The following NDUFAF2 variants were observed in gnomAD, a reference collection of about 807,000 sequenced individuals.
NDUFAF2 encodes NADH:ubiquinone oxidoreductase complex assembly factor 2, also known as NADH dehydrogenase [ubiquinone] 1 alpha subcomplex assembly factor 2.
NDUFAF2 carries 13 observed loss-of-function variants against 22.8 expected under a neutral mutation model. The observed-to-expected ratio is 0.57, with a 90% CI of 0.37 to 0.91. The LOEUF is 0.91. Among genes scored for constraint, NDUFAF2 ranks in the 40% least tolerant of loss-of-function variants. The pLI is 0.01. For missense variants in NDUFAF2, 162 were observed against 195.2 expected, an observed-to-expected ratio of 0.83 and a Z score of 1.01; for synonymous variants, 53 against 64.2, an observed-to-expected ratio of 0.83 and a Z score of 0.84.
intron 1 of NDUFAF2, among the ~76,000 whole-genome samples, chr5:60,984,580 C>T (rs1457318156): frequency 1.3e-5 from 2 of 152,098 alleles, no homozygotes; most frequent in African/African-American, 4.8e-5. Flanking sequence ...CCATCAATAC[C>T]TAATTTATTG....
chr5:60,970,862 TTA>T (rs1192723080), intron 1 of NDUFAF2, among the ~76,000 whole-genome samples: 35 of 152,256 alleles, frequency 2.3e-4, no homozygotes, highest in Middle Eastern at 3.4e-3. Context: ...TCATCATTGA[TTA>T]TGTTATTTGG....
intron 3 of NDUFAF2, among the ~76,000 whole-genome samples, chr5:61,109,794 T>C (rs1752813919): frequency 6.6e-6 from 1 of 152,136 alleles, no homozygotes. Flanking sequence ...CATCCCTCTT[T>C]CCCTTCCACC....
At chr5:61,107,346 A>G (rs1752780504) in intron 3 of NDUFAF2, among the ~76,000 whole-genome samples, 1 of 151,252 alleles carries the variant, frequency 6.6e-6, no homozygotes, top group African/African-American at 2.5e-5. Flanking sequence ...GTGATGTTGG[A>G]GCACTTTTTC....
intron 1 of NDUFAF2, among the ~76,000 whole-genome samples, chr5:61,006,404 A>C (rs1751367149): frequency 6.6e-6 from 1 of 152,200 alleles, no homozygotes; most frequent in South Asian, 2.1e-4. Flanking sequence ...CTTTTGGCTT[A>C]GGATTGACTT....
chr5:60,949,510 CAT>C (rs1750511856), intron 1 of NDUFAF2, among the ~76,000 whole-genome samples: 1 of 152,152 alleles, frequency 6.6e-6, no homozygotes, highest in Non-Finnish European at 1.5e-5. Flanking sequence ...GAAACATTCA[CAT>C]ATGGGTTTCG....
intron 1 of NDUFAF2, among the ~76,000 whole-genome samples, chr5:60,978,567 C>A (rs1157954839): frequency 6.6e-6 from 1 of 152,130 alleles, no homozygotes; most frequent in Admixed American, 6.5e-5. Context: ...TGAGAACTCA[C>A]TATTGCGATG....
chr5:60,948,889 G>A lies in NDUFAF2; in HGVS notation c.127+3507G>A, dbSNP rs151235782. ...AAGAAACTGCCTAAGTGGTGGTACC[G>A]TTTTACCTTCCCACCAGGAGTGTAT... On this transcript the variant is annotated intron_variant, in intron 1 of 3. Transcript: ENST00000296597. Among the ~76,000 whole-genome samples the A allele has an allele frequency of 2.7e-3, 412 of 152,204 alleles. 2 individuals carry two copies. Among genetic ancestry groups the A allele is most frequent in the East Asian group, 9.5e-3 (49 of 5,166 alleles).
At chr5:61,072,749 G>A (rs940557553) in intron 1 of NDUFAF2, among the ~76,000 whole-genome samples, 1 of 152,064 alleles carries the variant, frequency 6.6e-6, no homozygotes. Flanking sequence ...CTACAGGTGT[G>A]TGCCACCATG....
At chr5:61,120,425 A>G (rs1228078623) in intron 3 of NDUFAF2, among the ~76,000 whole-genome samples, 1 of 152,094 alleles carries the variant, frequency 6.6e-6, no homozygotes, top group Non-Finnish European at 1.5e-5. Context: ...AGGTCTTCCT[A>G]AGAAGTAGTA....
At chr5:61,113,320 A>G (rs887863668) in intron 3 of NDUFAF2, among the ~76,000 whole-genome samples, 8 of 152,030 alleles carry the variant, frequency 5.3e-5, no homozygotes, top group African/African-American at 1.9e-4. Context: ...ACTCCCTTTT[A>G]CATTTTTTGT....
chr5:61,049,298 A>C (rs1751993773), intron 1 of NDUFAF2, among the ~76,000 whole-genome samples: 1 of 152,056 alleles, frequency 6.6e-6, no homozygotes, highest in African/African-American at 2.4e-5. Context: ...CACAGGTAAA[A>C]GTTTTTAGTC....
intron 2 of NDUFAF2, among the ~76,000 whole-genome samples, chr5:61,085,920 A>G (rs1391907996): frequency 6.6e-6 from 1 of 152,014 alleles, no homozygotes; most frequent in Non-Finnish European, 1.5e-5. Context: ...TTGCAGTCCA[A>G]CCTGGGCAAC....
intron 1 of NDUFAF2, among the ~76,000 whole-genome samples, chr5:61,004,873 A>G (rs998712446): frequency 6.6e-6 from 1 of 152,074 alleles, no homozygotes; most frequent in Non-Finnish European, 1.5e-5. Flanking sequence ...TAAATCCTAT[A>G]TGGCTATAAA....
intron 3 of NDUFAF2, chr5:61,116,298 G>A (rs558200044): frequency 7.9e-5 from 12 of 152,200 alleles, no homozygotes; most frequent in East Asian, 5.8e-4. Flanking sequence ...CAAATAAATA[G>A]GGTAAAACAC....
chr5:61,131,600 A>G (rs1753112611), intron 3 of NDUFAF2, among the ~76,000 whole-genome samples: 1 of 152,164 alleles, frequency 6.6e-6, no homozygotes, highest in Non-Finnish European at 1.5e-5. Context: ...TCTATAGGGG[A>G]TTGAACGAAT....
chr5:61,000,971 T>C (rs1751288263), intron 1 of NDUFAF2, among the ~76,000 whole-genome samples: 1 of 152,166 alleles, frequency 6.6e-6, no homozygotes, highest in Non-Finnish European at 1.5e-5. Flanking sequence ...ACACAAAATA[T>C]GATTTCTGCT....
intron 2 of NDUFAF2, among the ~76,000 whole-genome samples, chr5:61,074,254 C>T (rs955704173): frequency 6.6e-6 from 1 of 151,994 alleles, no homozygotes; most frequent in Admixed American, 6.6e-5. Context: ...GAGTTCAAGA[C>T]CAGCCTGGCT....
chr5:60,972,514 A>G (rs1261077204), intron 1 of NDUFAF2, among the ~76,000 whole-genome samples: 1 of 152,058 alleles, frequency 6.6e-6, no homozygotes, highest in Non-Finnish European at 1.5e-5. Context: ...TTCTGCCATG[A>G]TTATATCTTT....
chr5:61,133,241 C>A (rs946613085), intron 3 of NDUFAF2, among the ~76,000 whole-genome samples: 7 of 152,204 alleles, frequency 4.6e-5, no homozygotes, highest in Middle Eastern at 6.8e-3. Context: ...GGGAATATAA[C>A]CACCATTATA....
Sources: gnomAD v4.1 joint callset for allele counts (sites outside exome capture counted in the v4.1 genomes callset) on GRCh38, gnomAD v4.1.1 for gene constraint, MANE v1.5 for transcripts, NCBI Gene and HGNC (gene_info 2026-07-23, HGNC 2026-07-21) for gene names.